The following MICU3 variants were observed in gnomAD, a reference collection of about 807,000 sequenced individuals.
MICU3 encodes the protein mitochondrial calcium uptake 3, also known as calcium uptake protein 3, mitochondrial.
Under a neutral mutation model 66.5 loss-of-function variants are expected in MICU3, and 62 were observed. The ratio of observed to expected loss-of-function variants is 0.93; its 90% confidence interval spans 0.76 to 1.15. The LOEUF (loss-of-function observed/expected upper bound fraction) is 1.15, where lower values mean the gene tolerates loss of function less well. Among genes scored for constraint, MICU3 ranks in the 50% most tolerant of loss-of-function variants. The probability of loss-of-function intolerance (pLI) is 0.00; values close to 1 mark genes in which losing one functional copy is unlikely to be tolerated. For missense variants in MICU3, 779 were observed against 664.4 expected (o/e 1.17, Z -1.90); for synonymous variants, 308 against 240.7 (o/e 1.28, Z -2.59).
At chr8:17,075,489 G>C (rs998244176) in intron 3 of MICU3, among the ~76,000 whole-genome samples, 1 of 152,084 alleles carries the variant, frequency 6.6e-6, no homozygotes, top group African/African-American at 2.4e-5. Flanking sequence ...AGGGACAAAG[G>C]CCAAATTCTT....
chr8:17,064,106 T>G lies in MICU3; in HGVS notation c.404T>G (p.Ile135Ser), dbSNP rs1178352566. ...KETVAIGRTD[I>S]EDLDLYATSR... ...TAGGTTGCTATTGGCAGAACAGACA[T>G]TGAAGACTTAGACCTTTATGCCACA... Residue 135 changes from isoleucine to serine, a missense_variant, in exon 2 of 15, where the codon ATT becomes AGT. Coordinates refer to ENST00000318063, the MANE Select transcript of MICU3 (RefSeq NM_181723.3). 1 of 1,611,908 alleles carries G rather than the reference T, an allele frequency of 6.2e-7. No homozygotes were observed. Among genetic ancestry groups the G allele is most frequent in the African/African-American group, 1.3e-5 (1 of 75,014 alleles).
intron 4 of MICU3, among the ~76,000 whole-genome samples, chr8:17,081,131 T>A: frequency 6.6e-6 from 1 of 152,110 alleles, no homozygotes; most frequent in Non-Finnish European, 1.5e-5. Context: ...GCCATTTAAT[T>A]ACAATAAAAA....
At chr8:17,078,495 A>G (rs1218983390) in intron 4 of MICU3, among the ~76,000 whole-genome samples, 2 of 152,096 alleles carry the variant, frequency 1.3e-5, no homozygotes, top group Admixed American at 6.6e-5. Context: ...ACACATTTGT[A>G]GAAAAAATTT....
chr8:17,081,907 C>G, intron 5 of MICU3, 167 bp downstream of exon 5: 1 of 472,476 alleles, frequency 2.1e-6, no homozygotes, highest in South Asian at 2.2e-5. Context: ...TGTAAAGAGT[C>G]AAAAACATAA....
At chr8:17,098,776 T>G (rs376879945) in intron 9 of MICU3, among the ~76,000 whole-genome samples, 13 of 151,916 alleles carry the variant, frequency 8.6e-5, no homozygotes, top group South Asian at 4.1e-4. Context: ...TAAGGATCAC[T>G]TTCTAGAAAT....
chr8:17,078,355 C>T (rs959995704), intron 4 of MICU3, among the ~76,000 whole-genome samples: 1 of 152,154 alleles, frequency 6.6e-6, no homozygotes, highest in East Asian at 1.9e-4. Flanking sequence ...CCAACACTTA[C>T]TGCAAATATA....
intron 2 of MICU3, among the ~76,000 whole-genome samples, chr8:17,064,498 C>T (rs1389510525): frequency 1.3e-5 from 2 of 152,130 alleles, no homozygotes; most frequent in Non-Finnish European, 2.9e-5. Context: ...GACTCATATT[C>T]TGCCTCTTCA....
chr8:17,102,112 C>T (rs1327365200), intron 9 of MICU3, among the ~76,000 whole-genome samples: 1 of 151,836 alleles, frequency 6.6e-6, no homozygotes, highest in African/African-American at 2.4e-5. Flanking sequence ...CTTATTTGCT[C>T]ACCACAGTAC....
chr8:17,094,547 G>A (rs3850764), intron 8 of MICU3, among the ~76,000 whole-genome samples: 96,728 of 151,830 alleles, frequency 0.64, 32,582 homozygotes, highest in African/African-American at 0.86. Context: ...CTGGTTTCTC[G>A]TAGCTGTTTT....
intron 1 of MICU3, among the ~76,000 whole-genome samples, chr8:17,039,895 C>CTTTTTTTTTTTTTTTTTTTTTTTTT (rs35133600): frequency 1.6e-5 from 1 of 62,492 alleles, no homozygotes; most frequent in African/African-American, 6.6e-5. Context: ...ATCTTGCATT[C>CTTTTTTTTTTTTTTTTTTTTTTTTT]TTTTTTTTTT....
At chr8:17,043,509 T>C (rs540107776) in intron 1 of MICU3, among the ~76,000 whole-genome samples, 3 of 152,338 alleles carry the variant, frequency 2.0e-5, no homozygotes, top group African/African-American at 7.2e-5. Flanking sequence ...AGGACAGTGA[T>C]AGGCAGGTTT....
chr8:17,065,866 A>T (rs1033566204), intron 2 of MICU3, among the ~76,000 whole-genome samples: 33 of 152,160 alleles, frequency 2.2e-4, no homozygotes, highest in African/African-American at 7.7e-4. Flanking sequence ...GCTGTAATGG[A>T]ATTTGAAGTA....
chr8:17,123,377 T>TA (rs758836718), downstream of MICU3, among the ~76,000 whole-genome samples: 2 of 151,972 alleles, frequency 1.3e-5, no homozygotes, highest in African/African-American at 2.4e-5. Context: ...GAGGTGTACT[T>TA]ACGAAAAATA....
chr8:17,068,487 A>G (rs1819059003), intron 2 of MICU3, among the ~76,000 whole-genome samples: 1 of 152,206 alleles, frequency 6.6e-6, no homozygotes, highest in Admixed American at 6.5e-5. Context: ...CAACAGAATA[A>G]TAAATACTAT....
intron 6 of MICU3, among the ~76,000 whole-genome samples, chr8:17,086,146 C>T (rs187469364): frequency 2.2e-4 from 34 of 152,140 alleles, no homozygotes; most frequent in Non-Finnish European, 4.1e-4. Context: ...TATGGCCCTA[C>T]CTCCTGAACA....
rs150660602 is a variant in MICU3 at position 17,067,887 on chromosome 8, C to T, written c.536-1801C>T. 2.2e-3 allele frequency among the ~76,000 whole-genome samples: 336 copies of T among 149,352 alleles called. 3 individuals carry two copies. Among genetic ancestry groups the T allele is most frequent in the African/African-American group, 7.8e-3 (314 of 40,034 alleles). ...AAATGGTATGCTGTGTAAATATTTG[C>T]TTAAAAATTATAGATCAAATAAATG... On this transcript the variant is annotated intron_variant, in intron 2 of 14. Coordinates refer to ENST00000318063, the MANE Select transcript of MICU3 (RefSeq NM_181723.3).
At chr8:17,115,603 T>C (rs1271867574) in intron 12 of MICU3, among the ~76,000 whole-genome samples, 1 of 152,224 alleles carries the variant, frequency 6.6e-6, no homozygotes, top group African/African-American at 2.4e-5. Context: ...TTAAAAGGAA[T>C]ATTGTAGTAG....
intron 10 of MICU3, 41 bp downstream of exon 10, chr8:17,104,532 A>T: frequency 9.3e-7 from 1 of 1,069,522 alleles, no homozygotes; most frequent in Non-Finnish European, 1.3e-6. Context: ...TTATTAGCCT[A>T]CTGAAATCAG....
the MICU3 span, among the ~76,000 whole-genome samples, chr8:17,128,359 G>A: frequency 1.3e-5 from 2 of 151,850 alleles, no homozygotes; most frequent in South Asian, 2.1e-4. Context: ...CCAGATAAAG[G>A]TAGCCACTAT....
Sources: gnomAD v4.1 joint callset for allele counts (sites outside exome capture counted in the v4.1 genomes callset) on GRCh38, gnomAD v4.1.1 for gene constraint, MANE v1.5 for transcripts, NCBI Gene and HGNC (gene_info 2026-07-23, HGNC 2026-07-21) for gene names.